Variants in KCNQ5 observed in about 807,000 individuals in gnomAD.
The protein encoded by KCNQ5 is potassium voltage-gated channel subfamily KQT member 5.
Under a neutral mutation model 98.2 loss-of-function variants are expected in KCNQ5, and 30 were observed. That is an observed-to-expected ratio of 0.31 (90% CI 0.23 to 0.41). KCNQ5 has a LOEUF of 0.41. Ranked by LOEUF, KCNQ5 falls within the 10% of genes least tolerant of loss-of-function variation. The probability of loss-of-function intolerance (pLI) is 1.00; values close to 1 mark genes in which losing one functional copy is unlikely to be tolerated. For missense variants in KCNQ5, 835 were observed against 1,182.5 expected, an observed-to-expected ratio of 0.71 and a Z score of 4.31; for synonymous variants, 458 against 449.4, an observed-to-expected ratio of 1.02 and a Z score of -0.24.
chr6:72,657,580 G>C (rs912708173), intron 1 of KCNQ5, among the ~76,000 whole-genome samples: 2 of 152,174 alleles, frequency 1.3e-5, no homozygotes, highest in African/African-American at 2.4e-5. Flanking sequence ...GAAAGAAACA[G>C]GGTCTTGTTC....
intron 3 of KCNQ5, among the ~76,000 whole-genome samples, chr6:73,059,428 G>C (rs1232748404): frequency 6.6e-6 from 1 of 152,116 alleles, no homozygotes; most frequent in African/African-American, 2.4e-5. Flanking sequence ...AAAGTGGGAG[G>C]AGGGAGAGCA....
At chr6:72,804,353 G>A (rs1046136817) in intron 1 of KCNQ5, among the ~76,000 whole-genome samples, 16 of 146,294 alleles carry the variant, frequency 1.1e-4, no homozygotes, top group African/African-American at 4.1e-4. Context: ...AATAACCATT[G>A]TTCCATTCTC....
intron 1 of KCNQ5, among the ~76,000 whole-genome samples, chr6:72,794,537 G>A (rs1341171864): frequency 2.0e-5 from 3 of 152,060 alleles, no homozygotes; most frequent in East Asian, 1.9e-4. Context: ...GGACCTTTCC[G>A]ATACACAGAT....
chr6:72,729,279 G>C (rs561214848), intron 1 of KCNQ5, among the ~76,000 whole-genome samples: 17 of 152,312 alleles, frequency 1.1e-4, no homozygotes, highest in African/African-American at 3.1e-4. Flanking sequence ...AAGTGGAAAT[G>C]TAAAGTCAAA....
chr6:72,735,424 A>G (rs1302133965), intron 1 of KCNQ5, among the ~76,000 whole-genome samples: 1 of 152,198 alleles, frequency 6.6e-6, no homozygotes, highest in Non-Finnish European at 1.5e-5. Context: ...CCATTGTTAT[A>G]ATAAACAGCT....
At chr6:72,842,184 G>A (rs546503467) in intron 1 of KCNQ5, among the ~76,000 whole-genome samples, 4 of 152,306 alleles carry the variant, frequency 2.6e-5, no homozygotes, top group East Asian at 1.9e-4. Flanking sequence ...TCGATGGGAT[G>A]TGGAAGCATC....
intron 1 of KCNQ5, among the ~76,000 whole-genome samples, chr6:72,805,402 T>A (rs1774902530): frequency 1.3e-5 from 2 of 152,146 alleles, no homozygotes; most frequent in African/African-American, 4.8e-5. Context: ...CCCAGCACCA[T>A]TTATTGAAGA....
At chr6:72,745,222 T>A (rs997343571) in intron 1 of KCNQ5, among the ~76,000 whole-genome samples, 1 of 152,372 alleles carries the variant, frequency 6.6e-6, no homozygotes, top group South Asian at 2.1e-4. Context: ...TTTCCATGTA[T>A]GTAATTGCTC....
intron 1 of KCNQ5, among the ~76,000 whole-genome samples, chr6:72,955,325 A>G (rs966060396): frequency 1.3e-5 from 2 of 152,188 alleles, no homozygotes; most frequent in South Asian, 2.1e-4. Flanking sequence ...GGCCTTCTGA[A>G]TTGTTCAGTT....
intron 10 of KCNQ5, among the ~76,000 whole-genome samples, chr6:73,162,364 C>T (rs941539802): frequency 6.6e-6 from 1 of 152,224 alleles, no homozygotes; most frequent in Non-Finnish European, 1.5e-5. Flanking sequence ...TAATGCCAAG[C>T]ATGGACCATT....
At chr6:73,187,076 T>C (rs1225325276) in intron 11 of KCNQ5, among the ~76,000 whole-genome samples, 2 of 151,704 alleles carry the variant, frequency 1.3e-5, no homozygotes, top group Non-Finnish European at 2.9e-5. Context: ...TTTTTTTTTT[T>C]TGAGACGGAG....
At chr6:72,867,991 G>A (rs1778060472) in intron 1 of KCNQ5, among the ~76,000 whole-genome samples, 1 of 151,244 alleles carries the variant, frequency 6.6e-6, no homozygotes, top group Non-Finnish European at 1.5e-5. Flanking sequence ...AATAATAATT[G>A]GAGAGTCTTG....
chr6:73,114,032 G>T (rs1158975649), intron 7 of KCNQ5, among the ~76,000 whole-genome samples: 1 of 152,084 alleles, frequency 6.6e-6, no homozygotes, highest in Non-Finnish European at 1.5e-5. Flanking sequence ...AATCAAAGTA[G>T]AATCTACTAA....
intron 2 of KCNQ5, among the ~76,000 whole-genome samples, chr6:73,006,738 T>A (rs917999717): frequency 1.3e-5 from 2 of 152,250 alleles, no homozygotes; most frequent in African/African-American, 2.4e-5. Context: ...TGTTGATGTA[T>A]AAAGACAACA....
At chr6:73,142,740 A>C (rs1244179076) in intron 10 of KCNQ5, among the ~76,000 whole-genome samples, 1 of 151,966 alleles carries the variant, frequency 6.6e-6, no homozygotes, top group East Asian at 1.9e-4. Flanking sequence ...ACATGGTGAA[A>C]CCCTGTCTCT....
chr6:73,028,945 C>A (rs1771010642), intron 2 of KCNQ5, among the ~76,000 whole-genome samples: 1 of 152,148 alleles, frequency 6.6e-6, no homozygotes. Flanking sequence ...TGTGGCAGAT[C>A]AGTTCCCTCC....
At chr6:72,823,748 T>C (rs764790068) in intron 1 of KCNQ5, among the ~76,000 whole-genome samples, 25 of 152,100 alleles carry the variant, frequency 1.6e-4, no homozygotes, top group Non-Finnish European at 3.1e-4. Flanking sequence ...AAATGCTACC[T>C]CAGGAGCTCA....
At chr6:73,003,738 T>C (rs1396347680) in intron 1 of KCNQ5, among the ~76,000 whole-genome samples, 170 bp from the exon 2 acceptor site, 2 of 152,190 alleles carry the variant, frequency 1.3e-5, no homozygotes, top group African/African-American at 4.8e-5. Flanking sequence ...ATTTGCACAG[T>C]ATATCACATT....
rs568417009 is a variant in KCNQ5, at chr6:72,835,101, A to G, written c.399-168807A>G. 2.6e-5 allele frequency among the ~76,000 whole-genome samples: 4 copies of G among 152,190 alleles called. No homozygotes were observed. In the East Asian group the frequency reaches 7.7e-4, roughly 29 times the overall value. On this transcript the variant is annotated intron_variant, in intron 1 of 13. Transcript: ENST00000370398. ...TCTTTACAAGCAGGGTACAACATGA[A>G]TTTTCTCCAGACACTGTAAGCATAG...
Sources: allele counts gnomAD v4.1 joint callset (sites outside exome capture counted in the v4.1 genomes callset), GRCh38; gene constraint gnomAD v4.1.1; transcripts MANE v1.5; gene names NCBI Gene and HGNC (gene_info 2026-07-23, HGNC 2026-07-21).